Variants in CSMD3 observed in about 807,000 individuals in gnomAD.
The protein encoded by CSMD3 is CUB and Sushi multiple domains 3, also known as CUB and sushi domain-containing protein 3.
CSMD3 carries 177 observed loss-of-function variants against 435.2 expected under a neutral mutation model. The ratio of observed to expected loss-of-function variants is 0.41; its 90% CI spans 0.36 to 0.46. The LOEUF (loss-of-function observed/expected upper bound fraction) is 0.46, where lower values mean the gene tolerates loss of function less well. CSMD3 is among the 20% of genes least tolerant of loss of function. The probability of loss-of-function intolerance (pLI) is 0.34; values close to 1 mark genes in which losing one functional copy is unlikely to be tolerated. For synonymous variants in CSMD3, 1,656 were observed against 1,520.5 expected (o/e 1.09, Z -2.07); for missense variants, 4,265 against 4,504.6 (o/e 0.95, Z 1.52).
At chr8:112,558,483 T>C (rs1267171640) in intron 24 of CSMD3, among the ~76,000 whole-genome samples, 2 of 151,940 alleles carry the variant, frequency 1.3e-5, no homozygotes, top group African/African-American at 2.4e-5. Context: ...AACCGCAGCA[T>C]AAAAACAGAC....
chr8:112,968,965 AAC>A (rs1279433853), intron 7 of CSMD3, among the ~76,000 whole-genome samples: 2 of 152,012 alleles, frequency 1.3e-5, no homozygotes, highest in Non-Finnish European at 2.9e-5. Flanking sequence ...AATATTTGAA[AAC>A]AGTGTTAGTT....
intron 4 of CSMD3, among the ~76,000 whole-genome samples, chr8:113,152,244 A>G (rs1445475322): frequency 2.0e-5 from 3 of 152,084 alleles, no homozygotes. Context: ...TACTGAGTAA[A>G]CAGTAAGAAA....
intron 61 of CSMD3, among the ~76,000 whole-genome samples, chr8:112,256,140 T>A (rs1815775485): frequency 6.6e-6 from 1 of 152,118 alleles, no homozygotes. Context: ...AAGAAAAACA[T>A]TATTCTAGGT....
intron 63 of CSMD3, among the ~76,000 whole-genome samples, chr8:112,249,248 C>T (rs191015749): frequency 1.1e-4 from 16 of 152,160 alleles, no homozygotes; most frequent in Non-Finnish European, 2.2e-4. Context: ...TTCAAAGTAT[C>T]GTCTTCCTTT....
chr8:112,421,937 T>C (rs1812558957), intron 32 of CSMD3, among the ~76,000 whole-genome samples: 1 of 152,018 alleles, frequency 6.6e-6, no homozygotes, highest in East Asian at 1.9e-4. Flanking sequence ...GTAGGCACTA[T>C]CATCTCTGTT....
intron 12 of CSMD3, among the ~76,000 whole-genome samples, chr8:112,804,109 AG>A (rs1200556871): frequency 6.6e-6 from 1 of 152,206 alleles, no homozygotes; most frequent in Non-Finnish European, 1.5e-5. Flanking sequence ...CCGAAAGACA[AG>A]GGAGTCTGCC....
intron 10 of CSMD3, among the ~76,000 whole-genome samples, chr8:112,916,778 C>T (rs997718056): frequency 6.6e-6 from 1 of 151,922 alleles, no homozygotes; most frequent in Non-Finnish European, 1.5e-5. Context: ...ACTACCTTCT[C>T]AAACTGTTGG....
At chr8:113,074,700 G>A (rs1326927468) in intron 5 of CSMD3, among the ~76,000 whole-genome samples, 1 of 151,778 alleles carries the variant, frequency 6.6e-6, no homozygotes, top group African/African-American at 2.4e-5. Context: ...TTATGACCAT[G>A]AAGTTTCCCT....
intron 5 of CSMD3, among the ~76,000 whole-genome samples, chr8:113,089,374 A>AT (rs34319371): frequency 0.67 from 102,080 of 151,868 alleles, 35,926 homozygotes; most frequent in East Asian, 0.95. Context: ...TAAGGTAGCT[A>AT]TTTTTTTCTA....
intron 6 of CSMD3, among the ~76,000 whole-genome samples, chr8:113,017,668 G>A (rs2086520019): frequency 6.6e-6 from 1 of 151,856 alleles, no homozygotes; most frequent in Admixed American, 6.6e-5. Context: ...AACTCCACAA[G>A]TAAAAGGGTC....
chr8:112,590,098 A>G (rs1381741369), intron 22 of CSMD3, among the ~76,000 whole-genome samples: 3 of 152,178 alleles, frequency 2.0e-5, no homozygotes, highest in Non-Finnish European at 4.4e-5. Flanking sequence ...GCTAGAGGCA[A>G]ATGATAGAAT....
intron 27 of CSMD3, among the ~76,000 whole-genome samples, chr8:112,530,331 A>G (rs1825400456): frequency 6.6e-6 from 1 of 152,206 alleles, no homozygotes; most frequent in Non-Finnish European, 1.5e-5. Context: ...AGAGTAACCT[A>G]AATAAATCCA....
At chr8:113,334,646 T>C (rs1410810476) in intron 1 of CSMD3, among the ~76,000 whole-genome samples, 1 of 152,074 alleles carries the variant, frequency 6.6e-6, no homozygotes, top group African/African-American at 2.4e-5. Flanking sequence ...GCTAGTTATT[T>C]TGAAACATTT....
rs150973097 is a variant in CSMD3 at position 112,960,709 on chromosome 8, C to A, written c.1343-5948G>T. Among the ~76,000 whole-genome samples, 1,004 of 151,618 alleles carry A rather than the reference C, an allele frequency of 6.6e-3. 12 individuals carry two copies. The highest frequency in any genetic ancestry group is 0.023 in the African/African-American group (962 of 41,472). ...CAAAAAATAAAAATTAAAAAAAGTTCTTAAAGTACAGAAAAATTCATTGGT... is the reference window on the plus strand; with the variant it reads ...CAAAAAATAAAAATTAAAAAAAGTTATTAAAGTACAGAAAAATTCATTGGT... On this transcript the variant is annotated intron_variant, in intron 7 of 70. Coordinates refer to ENST00000297405, the MANE Select transcript of CSMD3 (RefSeq NM_198123.2).
At chr8:113,341,957 C>T (rs1217025884) in intron 1 of CSMD3, among the ~76,000 whole-genome samples, 2 of 151,870 alleles carry the variant, frequency 1.3e-5, no homozygotes, top group East Asian at 1.9e-4. Flanking sequence ...ATAATGTAAC[C>T]TCTTTGTATT....
At chr8:113,002,057 A>T (rs747552192) in intron 6 of CSMD3, among the ~76,000 whole-genome samples, 1 of 152,096 alleles carries the variant, frequency 6.6e-6, no homozygotes, top group Non-Finnish European at 1.5e-5. Flanking sequence ...AAGACAATAT[A>T]TCTTAGCTGG....
chr8:113,298,768 A>G (rs578237875), intron 2 of CSMD3, among the ~76,000 whole-genome samples: 2 of 152,254 alleles, frequency 1.3e-5, no homozygotes, highest in Admixed American at 6.5e-5. Context: ...CTCACAAAGC[A>G]GAGTTCAAGG....
intron 28 of CSMD3, among the ~76,000 whole-genome samples, chr8:112,510,383 T>C (rs1319905514): frequency 1.3e-5 from 2 of 152,230 alleles, no homozygotes; most frequent in Non-Finnish European, 2.9e-5. Context: ...ACATAAATTA[T>C]ACTCAAATAT....
At chr8:112,843,905 T>C (rs535627372) in intron 11 of CSMD3, among the ~76,000 whole-genome samples, 2 of 152,024 alleles carry the variant, frequency 1.3e-5, no homozygotes, top group South Asian at 2.1e-4. Flanking sequence ...TTATTATTTG[T>C]TTTAAGCCAC....
Sources: gnomAD v4.1 joint callset for allele counts (sites outside exome capture counted in the v4.1 genomes callset) on GRCh38, gnomAD v4.1.1 for gene constraint, MANE v1.5 for transcripts, NCBI Gene and HGNC (gene_info 2026-07-23, HGNC 2026-07-21) for gene names.